Variants in WDR70 observed in about 807,000 individuals in gnomAD.
WDR70 encodes WD repeat domain 70.
WDR70 carries 53 observed loss-of-function variants against 88.6 expected under a neutral mutation model. That is an observed-to-expected ratio of 0.60 (90% CI 0.48 to 0.75). The LOEUF is 0.75. Ranked by LOEUF, WDR70 falls within the 30% of genes least tolerant of loss-of-function variation. The pLI, the probability that WDR70 is intolerant of heterozygous loss-of-function variation, is 0.00. For missense variants in WDR70, 610 were observed against 823.2 expected, an observed-to-expected ratio of 0.74 and a Z score of 3.17; for synonymous variants, 280 against 270.0, an observed-to-expected ratio of 1.04 and a Z score of -0.36.
At chr5:37,528,216 C>G (rs1040748233) in intron 9 of WDR70, among the ~76,000 whole-genome samples, 5 of 152,136 alleles carry the variant, frequency 3.3e-5, no homozygotes, top group Non-Finnish European at 5.9e-5. Context: ...ATAGCAAAGA[C>G]TTGGAACCAA....
chr5:37,690,242 T>A (rs1746748036), intron 10 of WDR70, among the ~76,000 whole-genome samples: 1 of 152,246 alleles, frequency 6.6e-6, no homozygotes, highest in Non-Finnish European at 1.5e-5. Context: ...TTGATTGGTG[T>A]ACCTGAAAGT....
At chr5:37,465,693 G>C (rs1044591383) in intron 7 of WDR70, among the ~76,000 whole-genome samples, 6 of 75,120 alleles carry the variant, frequency 8.0e-5, no homozygotes, top group Non-Finnish European at 1.2e-4. Context: ...GTATCCATTT[G>C]TTTCTCAGCT....
At chr5:37,668,386 GAC>G (rs1745925469) in intron 10 of WDR70, among the ~76,000 whole-genome samples, 1 of 152,194 alleles carries the variant, frequency 6.6e-6, no homozygotes, top group African/African-American at 2.4e-5. Context: ...GTCCAAGAAA[GAC>G]AGGATGTTTC....
At chr5:37,676,295 G>T (rs1411447492) in intron 10 of WDR70, among the ~76,000 whole-genome samples, 1 of 151,524 alleles carries the variant, frequency 6.6e-6, no homozygotes, top group African/African-American at 2.4e-5. Flanking sequence ...GTGAGAGAGG[G>T]CATCCCTGTC....
intron 5 of WDR70, among the ~76,000 whole-genome samples, chr5:37,423,747 G>A (rs1750026024): frequency 2.7e-5 from 4 of 150,052 alleles, no homozygotes; most frequent in African/African-American, 4.9e-5. Flanking sequence ...TGTATTTTTA[G>A]TAGAGATGGG....
At chr5:37,546,232 AC>A (rs112853854) in intron 9 of WDR70, among the ~76,000 whole-genome samples, 12,240 of 152,164 alleles carry the variant, frequency 0.08, 1,613 homozygotes, top group African/African-American at 0.27. Context: ...ATAAAACTTG[AC>A]CTCATATGTC....
intron 7 of WDR70, among the ~76,000 whole-genome samples, chr5:37,461,699 G>A (rs984117603): frequency 2.6e-5 from 4 of 151,784 alleles, no homozygotes; most frequent in Admixed American, 2.6e-4. Context: ...TAGCCAGGAT[G>A]GTCTTGATCT....
chr5:37,500,716 C>CTTTTTTTTT lies in WDR70; in HGVS notation c.841-15780_841-15772dup. On this transcript the variant is annotated intron_variant, in intron 8 of 17. Coordinates refer to ENST00000265107, the MANE Select transcript of WDR70 (RefSeq NM_018034.4). Reference sequence around the variant, plus strand: ...GAGCATTTTATCATATATTTGTTGGCTTTTTTTTTTTTTTTTTTTTTTTTT... The same window carrying CTTTTTTTTT: ...GAGCATTTTATCATATATTTGTTGGCTTTTTTTTTTTTTTTTTTTTTTTTTTTTTTTTTT... 6.8e-4 allele frequency among the ~76,000 whole-genome samples: 43 copies of CTTTTTTTTT among 63,290 alleles called. 9 individuals are homozygous for CTTTTTTTTT. Among genetic ancestry groups the CTTTTTTTTT allele is most frequent in the Non-Finnish European group, 9.9e-4 (32 of 32,346 alleles). The allele number at this position is 63,290 out of a possible 152,430, so 41.5% of individuals were successfully genotyped here. A position where few individuals can be genotyped will look rare whatever the true frequency, so the allele number is the denominator to read the frequency against.
chr5:37,654,495 C>T (rs1745496073), intron 10 of WDR70, among the ~76,000 whole-genome samples: 1 of 152,066 alleles, frequency 6.6e-6, no homozygotes, highest in Non-Finnish European at 1.5e-5. Flanking sequence ...TCCTGGATAT[C>T]CTTGTTAATT....
In WDR70 at chr5:37,703,099, C is replaced by T; in HGVS notation, c.1416+12C>T. ...ACATCACAGATGCGGTACGTATATT[C>T]TTTTCTCCTCAGCCTTGAGAATACA... On this transcript the variant is annotated intron_variant, in intron 13 of 17. Transcript: ENST00000265107. The T allele has an allele frequency of 6.3e-7, 1 of 1,595,730 alleles. No individual in the cohort carries two copies. The highest frequency in any genetic ancestry group is 8.6e-7 in the Non-Finnish European group (1 of 1,164,768).
At chr5:37,385,547 C>G (rs1488252946) in intron 3 of WDR70, among the ~76,000 whole-genome samples, 2 of 116,822 alleles carry the variant, frequency 1.7e-5, no homozygotes, top group African/African-American at 6.3e-5. Context: ...AAAAAAATTT[C>G]TACAGATCTT....
At chr5:37,527,213 C>T (rs1469749256) in intron 9 of WDR70, among the ~76,000 whole-genome samples, 2 of 152,166 alleles carry the variant, frequency 1.3e-5, no homozygotes, top group African/African-American at 2.4e-5. Context: ...GGAGGCATCA[C>T]GTTACCTGAC....
At chr5:37,477,650 A>G (rs377288983) in intron 7 of WDR70, among the ~76,000 whole-genome samples, 2 of 152,264 alleles carry the variant, frequency 1.3e-5, no homozygotes, top group East Asian at 3.9e-4. Context: ...ATGGTTATTC[A>G]TTGCCTCTTT....
At chr5:37,598,710 T>G (rs998510415) in intron 9 of WDR70, among the ~76,000 whole-genome samples, 3 of 152,234 alleles carry the variant, frequency 2.0e-5, no homozygotes, top group Non-Finnish European at 4.4e-5. Context: ...GCTAAAGTGC[T>G]AGGCCATTAG....
chr5:37,488,255 A>G (rs2112183852), intron 8 of WDR70, among the ~76,000 whole-genome samples: 1 of 151,684 alleles, frequency 6.6e-6, no homozygotes, highest in Admixed American at 6.6e-5. Flanking sequence ...ACTTTTGACA[A>G]TCTGACTATA....
At chr5:37,600,662 G>T (rs774115013) in intron 9 of WDR70, among the ~76,000 whole-genome samples, 1 of 152,118 alleles carries the variant, frequency 6.6e-6, no homozygotes, top group African/African-American at 2.4e-5. Context: ...AAAGATGCTT[G>T]CCATCCTTAG....
chr5:37,565,426 G>A (rs1156620889), intron 9 of WDR70, among the ~76,000 whole-genome samples: 1 of 152,012 alleles, frequency 6.6e-6, no homozygotes, highest in Non-Finnish European at 1.5e-5. Flanking sequence ...CTGCTTTTGT[G>A]TCATTAGTAA....
At chr5:37,587,778 CTTTTT>C (rs55980790) in intron 9 of WDR70, among the ~76,000 whole-genome samples, 3 of 122,748 alleles carry the variant, frequency 2.4e-5, no homozygotes, top group Non-Finnish European at 3.4e-5. Flanking sequence ...AAGCCCTATT[CTTTTT>C]TTTTTTTTTT....
intron 7 of WDR70, 32 bp from the exon 8 acceptor site, chr5:37,479,802 A>G (rs930807625): frequency 1.8e-5 from 29 of 1,592,272 alleles, no homozygotes; most frequent in Admixed American, 3.6e-5. Context: ...TGTGCTTAGT[A>G]TCTTACCAAC....
Sources: allele counts gnomAD v4.1 joint callset (sites outside exome capture counted in the v4.1 genomes callset), GRCh38; gene constraint gnomAD v4.1.1; transcripts MANE v1.5; gene names NCBI Gene and HGNC (gene_info 2026-07-23, HGNC 2026-07-21).